ASTN2: variants seen among roughly 807,000 people sequenced by gnomAD.
ASTN2 encodes the protein astrotactin-2.
ASTN2 carries 54 observed loss-of-function variants against 139.8 expected under a neutral mutation model. The ratio of observed to expected loss-of-function variants is 0.39; its 90% CI spans 0.31 to 0.48. The LOEUF (loss-of-function observed/expected upper bound fraction) is 0.48, where lower values mean the gene tolerates loss of function less well. Among genes scored for constraint, ASTN2 ranks in the 20% least tolerant of loss-of-function variants. The pLI is 0.95. For missense variants in ASTN2, 1,565 were observed against 1,725.1 expected, an observed-to-expected ratio of 0.91 and a Z score of 1.64; for synonymous variants, 756 against 719.5, an observed-to-expected ratio of 1.05 and a Z score of -0.81.
At chr9:116,948,449 T>C (rs1176233717) in intron 10 of ASTN2, among the ~76,000 whole-genome samples, 4 of 152,176 alleles carry the variant, frequency 2.6e-5, no homozygotes, top group Non-Finnish European at 5.9e-5. Flanking sequence ...TCTTTGAACA[T>C]GTTTCCATAC....
chr9:116,845,923 C>G (rs1832416099), intron 11 of ASTN2, among the ~76,000 whole-genome samples: 1 of 152,130 alleles, frequency 6.6e-6, no homozygotes, highest in Non-Finnish European at 1.5e-5. Context: ...TTTATACACC[C>G]TTATTCATAG....
intron 1 of ASTN2, among the ~76,000 whole-genome samples, chr9:117,381,982 G>A (rs1308887546): frequency 2.0e-5 from 3 of 152,144 alleles, no homozygotes; most frequent in African/African-American, 7.2e-5. Context: ...GGTCAATGTG[G>A]CTGGAGTGCT....
At chr9:116,894,426 G>A (rs1205058779) in intron 10 of ASTN2, among the ~76,000 whole-genome samples, 2 of 152,176 alleles carry the variant, frequency 1.3e-5, no homozygotes, top group African/African-American at 4.8e-5. Context: ...AGTTTGACCA[G>A]CATGATTTGT....
chr9:116,589,933 T>C (rs1329677528), intron 19 of ASTN2, among the ~76,000 whole-genome samples: 1 of 152,234 alleles, frequency 6.6e-6, no homozygotes, highest in African/African-American at 2.4e-5. Context: ...CAGGAGTTCC[T>C]AGATTTATAA....
intron 10 of ASTN2, among the ~76,000 whole-genome samples, chr9:116,944,446 C>A (rs939250450): frequency 2.0e-5 from 3 of 151,638 alleles, no homozygotes; most frequent in Non-Finnish European, 4.4e-5. Context: ...TTTGGGAGGC[C>A]GAGGCAGGTG....
At chr9:117,340,938 G>T (rs1344408533) in intron 1 of ASTN2, among the ~76,000 whole-genome samples, 1 of 152,134 alleles carries the variant, frequency 6.6e-6, no homozygotes, top group African/African-American at 2.4e-5. Flanking sequence ...CCTTTGCATG[G>T]TCTTGTGCCT....
At chr9:116,502,495 C>T (rs1238533392) in intron 19 of ASTN2, among the ~76,000 whole-genome samples, 1 of 148,308 alleles carries the variant, frequency 6.7e-6, no homozygotes, top group Non-Finnish European at 1.5e-5. Context: ...GACAGAGAAC[C>T]AGAAATAAAA....
At chr9:117,373,896 G>A (rs946186568) in intron 1 of ASTN2, among the ~76,000 whole-genome samples, 1 of 152,168 alleles carries the variant, frequency 6.6e-6, no homozygotes, top group Non-Finnish European at 1.5e-5. Context: ...ATGTTCCAGG[G>A]AAGAGCTAAT....
chr9:117,385,936 TG>T (rs1217557984), intron 1 of ASTN2, among the ~76,000 whole-genome samples: 1 of 151,818 alleles, frequency 6.6e-6, no homozygotes, highest in East Asian at 2.0e-4. Flanking sequence ...CAGGAAGCTT[TG>T]GGGCCAGCCC....
At chr9:117,412,273 CA>C (rs1241060906) in intron 1 of ASTN2, among the ~76,000 whole-genome samples, 2 of 152,068 alleles carry the variant, frequency 1.3e-5, no homozygotes, top group African/African-American at 4.8e-5. Flanking sequence ...CGCATGCATC[CA>C]AAAGGCTCAG....
intron 5 of ASTN2, among the ~76,000 whole-genome samples, chr9:117,048,531 G>A (rs1838811120): frequency 6.6e-6 from 1 of 152,170 alleles, no homozygotes; most frequent in African/African-American, 2.4e-5. Flanking sequence ...GCCACTGGCA[G>A]CTGACATGGA....
intron 4 of ASTN2, among the ~76,000 whole-genome samples, chr9:117,130,494 A>T (rs1829802003): frequency 6.6e-6 from 1 of 152,140 alleles, no homozygotes; most frequent in African/African-American, 2.4e-5. Flanking sequence ...TCATGACACC[A>T]GCTTCTGAAC....
intron 19 of ASTN2, among the ~76,000 whole-genome samples, chr9:116,587,473 C>T (rs374261040): frequency 7.2e-5 from 11 of 151,892 alleles, no homozygotes; most frequent in African/African-American, 2.4e-4. Context: ...GGTTAGACAA[C>T]CTATGGTCAC....
At chr9:117,143,373 A>T (rs1190380449) in intron 3 of ASTN2, among the ~76,000 whole-genome samples, 2 of 152,206 alleles carry the variant, frequency 1.3e-5, no homozygotes, top group African/African-American at 4.8e-5. Context: ...TGTCATGCCA[A>T]GTTTTGATTC....
intron 13 of ASTN2, among the ~76,000 whole-genome samples, chr9:116,754,981 T>C (rs1354206865): frequency 1.3e-5 from 2 of 152,104 alleles, no homozygotes; most frequent in Admixed American, 6.5e-5. Flanking sequence ...GACTCATCAC[T>C]TACAGCCTTC....
At chr9:116,934,867 C>T (rs1373688538) in intron 10 of ASTN2, among the ~76,000 whole-genome samples, 1 of 152,146 alleles carries the variant, frequency 6.6e-6, no homozygotes, top group Non-Finnish European at 1.5e-5. Flanking sequence ...TGTTTATATA[C>T]CCCCCTGTCC....
intron 11 of ASTN2, among the ~76,000 whole-genome samples, chr9:116,863,031 C>G (rs1832929723): frequency 6.6e-6 from 1 of 152,116 alleles, no homozygotes; most frequent in Non-Finnish European, 1.5e-5. Flanking sequence ...AAATTCCAAG[C>G]AAACAAGGCT....
intron 5 of ASTN2, among the ~76,000 whole-genome samples, chr9:117,055,629 G>A (rs1161697876): frequency 6.6e-6 from 1 of 152,224 alleles, no homozygotes; most frequent in African/African-American, 2.4e-5. Context: ...AGAGGAGGCT[G>A]AAGAACATCC....
chr9:116,761,350 G>A (rs1035199292), intron 13 of ASTN2, among the ~76,000 whole-genome samples: 2 of 152,152 alleles, frequency 1.3e-5, no homozygotes, highest in African/African-American at 4.8e-5. Context: ...CTGTGTGGTA[G>A]GTACTCACAA....
Sources: gnomAD v4.1 joint callset for allele counts (sites outside exome capture counted in the v4.1 genomes callset) on GRCh38, gnomAD v4.1.1 for gene constraint, MANE v1.5 for transcripts, NCBI Gene and HGNC (gene_info 2026-07-23, HGNC 2026-07-21) for gene names.